NLGN4X: variants seen among roughly 807,000 people sequenced by gnomAD.
NLGN4X encodes the protein neuroligin-4, X-linked.
NLGN4X carries 3 observed loss-of-function variants against 40.3 expected under a neutral mutation model. The observed-to-expected ratio is 0.07, with a 90% CI of 0.03 to 0.19. The LOEUF (loss-of-function observed/expected upper bound fraction) is 0.19, where lower values mean the gene tolerates loss of function less well. Ranked by LOEUF, NLGN4X falls within the 10% of genes least tolerant of loss-of-function variation. The probability of loss-of-function intolerance (pLI) is 1.00; values close to 1 mark genes in which losing one functional copy is unlikely to be tolerated. For synonymous variants in NLGN4X, 270 were observed against 306.8 expected (o/e 0.88, Z 1.25); for missense variants, 382 against 708.3 (o/e 0.54, Z 5.23).
intron 3 of NLGN4X, among the ~76,000 whole-genome samples, chrX:5,973,204 G>A (rs746530001): frequency 1.8e-5 from 2 of 112,397 alleles, no homozygotes; most frequent in Non-Finnish European, 3.7e-5. Flanking sequence ...GATCCAGGAA[G>A]CAAACCTGGC....
At chrX:5,993,609 C>T (rs151254645) in intron 3 of NLGN4X, among the ~76,000 whole-genome samples, 1,804 of 112,179 alleles carry the variant, frequency 0.016, 34 homozygotes, top group African/African-American at 0.056. Context: ...GGCCTAGTAA[C>T]AGACTGTGGG....
intron 3 of NLGN4X, among the ~76,000 whole-genome samples, chrX:5,913,524 A>C (rs1246371464): frequency 1.8e-5 from 2 of 112,105 alleles, no homozygotes; most frequent in Non-Finnish European, 3.8e-5. Flanking sequence ...ATTTTAGCCG[A>C]TGAAATTTTG....
At chrX:5,973,804 C>T (rs2035096305) in intron 3 of NLGN4X, among the ~76,000 whole-genome samples, 1 of 109,734 alleles carries the variant, frequency 9.1e-6, no homozygotes, top group African/African-American at 3.3e-5. Context: ...GCCTGGGTGA[C>T]ATAGCTAGAC....
At chrX:5,941,183 GTGTGTGTGT>G (rs1569143878) in intron 3 of NLGN4X, among the ~76,000 whole-genome samples, 5 of 23,853 alleles carry the variant, frequency 2.1e-4, no homozygotes, top group African/African-American at 3.3e-4. Flanking sequence ...GCTAGGGGGT[GTGTGTGTGT>G]GTGTGTGTGT....
chrX:5,944,000 G>A (rs2034040326), intron 3 of NLGN4X, among the ~76,000 whole-genome samples: 1 of 111,876 alleles, frequency 8.9e-6, no homozygotes, highest in Admixed American at 9.5e-5. Context: ...CTATTTTGGG[G>A]ACACCCTTTT....
chrX:6,054,135 C>CT (rs1270882774), intron 2 of NLGN4X, among the ~76,000 whole-genome samples: 4 of 111,077 alleles, frequency 3.6e-5, no homozygotes, highest in Non-Finnish European at 5.7e-5. Context: ...ATACGTGCAA[C>CT]TTTTTTTTTA....
intron 2 of NLGN4X, among the ~76,000 whole-genome samples, chrX:6,096,203 T>C (rs2038772131): frequency 9.0e-6 from 1 of 111,699 alleles, no homozygotes; most frequent in Admixed American, 9.5e-5. Flanking sequence ...TAACCACTCA[T>C]CTGTCAAAAA....
intron 2 of NLGN4X, among the ~76,000 whole-genome samples, chrX:6,030,392 A>ATTGTGTGTGTGTGTG (rs56353701): frequency 0.014 from 933 of 68,268 alleles, 10 homozygotes; most frequent in Admixed American, 0.065. Flanking sequence ...CTGGATACAG[A>ATTGTGTGTGTGTGTG]TATGTGTGTG....
intron 1 of NLGN4X, among the ~76,000 whole-genome samples, chrX:6,159,518 GA>G (rs1261285420): frequency 8.9e-6 from 1 of 111,782 alleles, no homozygotes; most frequent in Non-Finnish European, 1.9e-5. Context: ...AAATTGAAGG[GA>G]AAATATAAAC....
intron 2 of NLGN4X, among the ~76,000 whole-genome samples, chrX:6,054,765 C>T: frequency 9.0e-6 from 1 of 111,152 alleles, no homozygotes; most frequent in Non-Finnish European, 1.9e-5. Context: ...TCAAGCAATT[C>T]TCCTGCCTCA....
chrX:5,955,693 T>C (rs2034467949), intron 3 of NLGN4X, among the ~76,000 whole-genome samples: 1 of 109,102 alleles, frequency 9.2e-6, no homozygotes, highest in Admixed American at 9.9e-5. Context: ...CAGAAATGCA[T>C]TGTATGACAT....
chrX:6,041,106 A>G (rs2037145453), intron 2 of NLGN4X, among the ~76,000 whole-genome samples: 1 of 111,138 alleles, frequency 9.0e-6, no homozygotes, highest in African/African-American at 3.3e-5. Flanking sequence ...CCTACATGCA[A>G]CCCTGACAAG....
At chrX:6,155,210 C>G in intron 1 of NLGN4X, among the ~76,000 whole-genome samples, 1 of 111,592 alleles carries the variant, frequency 9.0e-6, no homozygotes, top group Non-Finnish European at 1.9e-5. Flanking sequence ...CGCTGAACGT[C>G]TGGGCCCACT....
chrX:5,970,327 T>TA (rs765573274), intron 3 of NLGN4X, among the ~76,000 whole-genome samples: 19 of 110,429 alleles, frequency 1.7e-4, no homozygotes, highest in Non-Finnish European at 2.8e-4. Context: ...CCCTAGAACT[T>TA]AAAGTATAAT....
intron 3 of NLGN4X, among the ~76,000 whole-genome samples, chrX:6,008,899 T>C (rs1300019760): frequency 8.9e-6 from 1 of 112,131 alleles, no homozygotes; most frequent in Admixed American, 9.5e-5. Flanking sequence ...CCTCTGTGAA[T>C]TTGACAACTC....
At chrX:6,123,329 C>A (rs1039367891) in intron 2 of NLGN4X, among the ~76,000 whole-genome samples, 6 of 111,584 alleles carry the variant, frequency 5.4e-5, no homozygotes, top group African/African-American at 2.0e-4. Context: ...CCAGCAAGTA[C>A]AAGGGAAAGA....
At chrX:6,155,623 A>C (rs2040247022) in intron 1 of NLGN4X, among the ~76,000 whole-genome samples, 2 of 111,780 alleles carry the variant, frequency 1.8e-5, no homozygotes, top group South Asian at 7.4e-4. Context: ...CAACACCAGC[A>C]ATCTGCCACT....
At chrX:6,059,077 T>A (rs1410498766) in intron 2 of NLGN4X, among the ~76,000 whole-genome samples, 2 of 112,371 alleles carry the variant, frequency 1.8e-5, no homozygotes, top group South Asian at 7.4e-4. Context: ...GCATTTGGTA[T>A]ACTTATTGAA....
chrX:6,220,537 C>G (rs930518443), intron 1 of NLGN4X, among the ~76,000 whole-genome samples: 1 of 106,133 alleles, frequency 9.4e-6, no homozygotes, highest in Non-Finnish European at 1.9e-5. Flanking sequence ...GATAGTTTCA[C>G]TATAAACATA....
Sources: allele counts gnomAD v4.1 joint callset (sites outside exome capture counted in the v4.1 genomes callset), GRCh38; gene constraint gnomAD v4.1.1; transcripts MANE v1.5; gene names NCBI Gene and HGNC (gene_info 2026-07-23, HGNC 2026-07-21).